CUL9: variants seen among roughly 807,000 people sequenced by gnomAD.
CUL9 encodes the protein cullin-9.
A neutral mutation model predicts 272.6 loss-of-function variants in CUL9; 79 were observed. That is an observed-to-expected ratio of 0.29 (90% CI 0.24 to 0.35). CUL9 has a LOEUF of 0.35. Ranked by LOEUF, CUL9 falls within the 10% of genes least tolerant of loss-of-function variation. The pLI, the probability that CUL9 is intolerant of heterozygous loss-of-function variation, is 1.00. For synonymous variants in CUL9, 1,186 were observed against 1,286.5 expected (o/e 0.92, Z 1.67); for missense variants, 2,532 against 3,255.6 (o/e 0.78, Z 5.41).
At position 43,215,271 on chromosome 6, in the gene CUL9, C is replaced by T. The variant is rs763218615; in HGVS notation, c.5881C>T (p.Arg1961Trp). 5.6e-6 allele frequency: 9 copies of T among 1,613,878 alleles called. No individual in the cohort carries two copies. Among genetic ancestry groups the T allele is most frequent in the African/African-American group, 2.7e-5 (2 of 74,934 alleles). The change falls in exon 30 of 41, where the codon CGG becomes TGG. Residue 1961 changes from arginine (R) to tryptophan (W), a missense_variant. Coordinates refer to ENST00000252050, the MANE Select transcript of CUL9 (RefSeq NM_015089.4). ...YAAPEPMGPC[R>W]GQADVPFCGS... ...CGCTCCAGAGCCCATGGGGCCCTGC[C>T]GGGGTCAGGCAGATGTCCCTTTCTG...
chr6:43,209,632 C>T (rs914767579), intron 26 of CUL9, among the ~76,000 whole-genome samples: 13 of 151,924 alleles, frequency 8.6e-5, no homozygotes, highest in African/African-American at 2.4e-4. Flanking sequence ...CTGGAGAATA[C>T]GGTCCTTTTC....
At position 43,202,734 on chromosome 6, in the gene CUL9, G is replaced by A. The variant is rs763811519; in HGVS notation, c.3666G>A (p.Val1222=). The change falls in exon 17 of 41, where the codon GTG becomes GTA. Residue 1222 remains valine, a synonymous_variant. Transcript: ENST00000252050. ...TTCCCAGGCAGCTCACTTTGCTGGT[G>A]GCCAGTGAGGACTCAAGCTACATGC... ...GVLVRQLTLL[V]ASEDSSYMPA... The A allele has an allele frequency of 1.3e-5, 21 of 1,613,986 alleles. No homozygotes were observed. The South Asian group carries it at 2.3e-4, about 18-fold the overall frequency.
At chr6:43,188,425 G>T in intron 7 of CUL9, 98 bp from the exon 8 acceptor site, 1 of 1,205,554 alleles carries the variant, frequency 8.3e-7, no homozygotes, top group Non-Finnish European at 1.2e-6. Context: ...CCGATAATGT[G>T]TTTAAATATT....
In CUL9 at chr6:43,221,324, A is replaced by C. The variant is rs1270054625; in HGVS notation, c.6752+3A>C. 2 of 1,581,952 alleles carry C rather than the reference A, an allele frequency of 1.3e-6. No homozygotes were observed. The highest frequency in any genetic ancestry group is 1.7e-6 in the Non-Finnish European group (2 of 1,166,918). ...GAGAAGAACGAGGGGTGCCTGCAGT[A>C]AGAAGGGGGGTACTGTGGGGAGCCA... On this transcript the variant is annotated splice_donor_region_variant and intron_variant, in intron 34 of 40. Coordinates refer to ENST00000252050, the MANE Select transcript of CUL9 (RefSeq NM_015089.4). The surrounding 1 kb of genome is among the most constrained non-coding windows in gnomAD (Gnocchi z 4.2).
chr6:43,186,842 G>A lies in CUL9; in HGVS notation c.1252-118G>A, dbSNP rs546985734. 93 of 1,270,504 alleles carry A rather than the reference G, an allele frequency of 7.3e-5. 1 individual carries two copies. The South Asian group carries it at 1.2e-3, about 16-fold the overall frequency. 78.7% of individuals were successfully genotyped at this position (1,270,504 alleles called of 1,614,324 possible). ...GGTTTTTCCAGGCTTAGCCAGGTGTGTATCTGAGGGTGCGCCCCAGATCTA... is the reference window on the plus strand; with the variant it reads ...GGTTTTTCCAGGCTTAGCCAGGTGTATATCTGAGGGTGCGCCCCAGATCTA... On this transcript the variant is annotated intron_variant, in intron 4 of 40. Coordinates refer to ENST00000252050, the MANE Select transcript of CUL9 (RefSeq NM_015089.4).
chr6:43,188,168 CAG>C, intron 7 of CUL9, 50 bp downstream of exon 7: 1 of 1,600,282 alleles, frequency 6.2e-7, no homozygotes, highest in Non-Finnish European at 8.5e-7. Flanking sequence ...TGGGTAGTCT[CAG>C]TAGAAGAAAT....
intron 29 of CUL9, among the ~76,000 whole-genome samples, chr6:43,214,799 A>G (rs1775796838): frequency 6.6e-6 from 1 of 151,928 alleles, no homozygotes; most frequent in Non-Finnish European, 1.5e-5. Context: ...CTGTTGGGAA[A>G]AAAAAAAAAG....
At chr6:43,188,451 C>A in intron 7 of CUL9, 72 bp from the exon 8 acceptor site, 1 of 1,419,208 alleles carries the variant, frequency 7.0e-7, no homozygotes, top group Non-Finnish European at 9.6e-7. Flanking sequence ...GATAACTGGG[C>A]TTGACTTTAA....
chr6:43,191,481 A>ATT (rs34090146), intron 8 of CUL9, among the ~76,000 whole-genome samples: 1,801 of 97,402 alleles, frequency 0.018, 83 homozygotes, highest in African/African-American at 0.076. Context: ...CACCCAGCTA[A>ATT]TTTTTTTTTT....
At position 43,213,752 on chromosome 6, in the gene CUL9, G is replaced by T; in HGVS notation, c.5528G>T (p.Gly1843Val). The T allele has an allele frequency of 6.2e-7, 1 of 1,613,908 alleles. No individual in the cohort carries two copies. Among genetic ancestry groups the T allele is most frequent in the East Asian group, 2.2e-5 (1 of 44,892 alleles). ...CATGAGCCTGGGCCCCAGCGCAGTG[G>T]GGAGGCCCTGTGGCTGATACCTCCC... ...RLHEPGPQRS[G>V]EALWLIPPQA... The change falls in exon 29 of 41, where the codon GGG becomes GTG. Residue 1843 changes from glycine (G) to valine (V), a missense_variant. Gly to Val is a moderately radical substitution (Grantham distance 109). Transcript: ENST00000252050. This position sits in a 1 kb window ranked among gnomAD's most constrained non-coding sequence, Gnocchi z 5.7.
Position 43,203,782 on chromosome 6 carries a change from G to C in CUL9, c.4026-72G>C. The C allele has an allele frequency of 6.5e-7, 1 of 1,547,622 alleles. No individual in the cohort carries two copies. Among genetic ancestry groups the C allele is most frequent in the Non-Finnish European group, 8.7e-7 (1 of 1,143,782 alleles). ...GACCGAACAGGGGTGATTGGGAGCT[G>C]ATCTGCACTTGAATGGAGGCCTCTG... On this transcript the variant is annotated intron_variant, in intron 19 of 40. Coordinates refer to ENST00000252050, the MANE Select transcript of CUL9 (RefSeq NM_015089.4). The surrounding 1 kb of genome is among the most constrained non-coding windows in gnomAD (Gnocchi z 5.0).
At position 43,196,876 on chromosome 6, in the gene CUL9, G is replaced by T. The variant is rs1371381563; in HGVS notation, c.2803+14G>T. The T allele has an allele frequency of 1.2e-6, 2 of 1,610,392 alleles. No individual in the cohort carries two copies. Among genetic ancestry groups the T allele is most frequent in the Non-Finnish European group, 1.7e-6 (2 of 1,177,310 alleles). ...CTGAGCGTGCAGGTACCATTGTGGA[G>T]GGGTGGTTTTGCAGAGGAATCACAC... On this transcript the variant is annotated intron_variant, in intron 11 of 40. Transcript: ENST00000252050.
chr6:43,204,862 G>T lies in CUL9; in HGVS notation c.4449+5G>T. The T allele has an allele frequency of 6.2e-7, 1 of 1,613,944 alleles. No individual in the cohort carries two copies. The highest frequency in any genetic ancestry group is 8.5e-7 in the Non-Finnish European group (1 of 1,179,918). ...CTGAGCGTGGTGCAGGAGCAGGTGG[G>T]CAGAAGCAAGCAGAAGTCTGCAGAG... On this transcript the variant is annotated splice_donor_5th_base_variant and intron_variant, in intron 22 of 40. Transcript: ENST00000252050.
rs775345810 is a variant in CUL9 at position 43,186,328 on chromosome 6, A to G, written c.1124A>G (p.Tyr375Cys). ...TCTGAATTCTCCAGCCGTAGTGGCTATGGAGAATATGTGCAGCAGACACTG... is the reference window on the plus strand; with the variant it reads ...TCTGAATTCTCCAGCCGTAGTGGCTGTGGAGAATATGTGCAGCAGACACTG... ...QRSEFSSRSG[Y>C]GEYVQQTLQP... Residue 375 changes from tyrosine to cysteine, a missense_variant, in exon 4 of 41, where the codon TAT becomes TGT. Tyr to Cys is a radical substitution (Grantham distance 194). Coordinates refer to ENST00000252050, the MANE Select transcript of CUL9 (RefSeq NM_015089.4). The G allele has an allele frequency of 3.1e-6, 5 of 1,614,222 alleles. No individual in the cohort carries two copies. Among genetic ancestry groups the G allele is most frequent in the Admixed American group, 1.7e-5 (1 of 60,024 alleles).
Position 43,213,812 on chromosome 6 carries a change from G to A in CUL9, c.5588G>A (p.Arg1863Gln), listed in dbSNP as rs540761739. 2.2e-5 allele frequency: 36 copies of A among 1,614,162 alleles called. No homozygotes were observed. The highest frequency in any genetic ancestry group is 2.1e-4 in the African/African-American group (16 of 75,034). ...AYLNVEKDEG[R>Q]TLEQKRNLLS... ...CTGAACGTAGAGAAGGATGAAGGCC[G>A]AACCCTGGAACAGAAGAGGAATCTC... The change falls in exon 29 of 41, where the codon CGA (arginine) becomes CAA (glutamine). Residue 1863 changes from arginine (R) to glutamine (Q), a missense_variant. Physicochemically the swap from Arg to Gln is conservative, Grantham distance 43. Coordinates refer to ENST00000252050, the MANE Select transcript of CUL9 (RefSeq NM_015089.4). The surrounding 1 kb of genome is among the most constrained non-coding windows in gnomAD (Gnocchi z 5.7).
Position 43,204,350 on chromosome 6 carries a change from C to T in CUL9, c.4160-10C>T. ...CCATGGAGACCTGTTCCTGACCTGT[C>T]TTCTTTCAGATGCGGAAGGCGTGAG... On this transcript the variant is annotated splice_polypyrimidine_tract_variant and intron_variant, in intron 20 of 40. Transcript: ENST00000252050. The T allele has an allele frequency of 6.2e-7, 1 of 1,613,432 alleles. No individual in the cohort carries two copies. The highest frequency in any genetic ancestry group is 2.2e-5 in the East Asian group (1 of 44,836).
In CUL9 at chr6:43,221,481, T is replaced by A; in HGVS notation, c.6752+160T>A. On this transcript the variant is annotated intron_variant, in intron 34 of 40. Coordinates refer to ENST00000252050, the MANE Select transcript of CUL9 (RefSeq NM_015089.4). This position sits in a 1 kb window ranked among gnomAD's most constrained non-coding sequence, Gnocchi z 4.2. ...TCCACGGTGACTTCCTGGATCTTAATGTTCCTTCTCCCACTCGTAAGTCCA... is the reference window on the plus strand; with the variant it reads ...TCCACGGTGACTTCCTGGATCTTAAAGTTCCTTCTCCCACTCGTAAGTCCA... The A allele has an allele frequency of 1.0e-6, 1 of 952,868 alleles. No individual in the cohort carries two copies. 59.0% of individuals were successfully genotyped at this position (952,868 alleles called of 1,614,324 possible). A position where few individuals can be genotyped will look rare whatever the true frequency, so the allele number is the denominator to read the frequency against.
At chr6:43,197,408 G>A (rs1774095274) in intron 11 of CUL9, among the ~76,000 whole-genome samples, 1 of 151,914 alleles carries the variant, frequency 6.6e-6, no homozygotes, top group Non-Finnish European at 1.5e-5. Flanking sequence ...GGCTAGGTTT[G>A]GCCCAGTATT....
At chr6:43,212,993 T>C in intron 26 of CUL9, 156 bp from the exon 27 acceptor site, 2 of 803,414 alleles carry the variant, frequency 2.5e-6, no homozygotes, top group Non-Finnish European at 3.9e-6. Context: ...CAGGGAAGGC[T>C]GAGATCTGGA....
Sources: allele counts gnomAD v4.1 joint callset (sites outside exome capture counted in the v4.1 genomes callset), GRCh38; gene constraint gnomAD v4.1.1; non-coding constraint Gnocchi (gnomAD v3.1); transcripts MANE v1.5; gene names NCBI Gene and HGNC (gene_info 2026-07-23, HGNC 2026-07-21).